Variants in ANKRD30A observed in about 807,000 individuals in gnomAD.
ANKRD30A encodes the protein ankyrin repeat domain 30A, also known as ankyrin repeat domain-containing protein 30A.
In ANKRD30A, 170 loss-of-function variants were observed where a neutral mutation model predicts 166.3. That is an observed-to-expected ratio of 1.02 (90% CI 0.90 to 1.16). The LOEUF (loss-of-function observed/expected upper bound fraction) is 1.16, where lower values mean the gene tolerates loss of function less well. Among genes scored for constraint, ANKRD30A ranks in the 50% most tolerant of loss-of-function variants. The pLI, the probability that ANKRD30A is intolerant of heterozygous loss-of-function variation, is 0.00. For missense variants in ANKRD30A, 1,630 were observed against 1,518.0 expected (o/e 1.07, Z -1.23); for synonymous variants, 564 against 508.9 (o/e 1.11, Z -1.46).
chr10:37,208,929 A>G (rs943843797), intron 31 of ANKRD30A, among the ~76,000 whole-genome samples: 4 of 152,110 alleles, frequency 2.6e-5, no homozygotes, highest in Admixed American at 6.6e-5. Context: ...TTTTTACTCT[A>G]TCTATACATA....
intron 29 of ANKRD30A, among the ~76,000 whole-genome samples, 190 bp from the exon 30 acceptor site, chr10:37,199,537 T>C (rs1841446077): frequency 6.6e-6 from 1 of 152,086 alleles, no homozygotes; most frequent in African/African-American, 2.4e-5. Flanking sequence ...ATAATGTTAA[T>C]TTTCAGACTT....
chr10:37,232,190 A>C (rs1000182594), intron 35 of ANKRD30A, among the ~76,000 whole-genome samples: 1 of 152,034 alleles, frequency 6.6e-6, no homozygotes, highest in Non-Finnish European at 1.5e-5. Context: ...ATAAACATGG[A>C]ACACTTAAAT....
Position 37,147,421 on chromosome 10 carries a change from T to C in ANKRD30A, c.1507T>C (p.Tyr503His). The C allele has an allele frequency of 1.3e-6, 2 of 1,596,036 alleles. No homozygotes were observed. The highest frequency in any genetic ancestry group is 1.7e-6 in the Non-Finnish European group (2 of 1,172,020). Residue 503 changes from tyrosine (Y) to histidine (H), a missense_variant, in exon 9 of 36, where the codon TAT becomes CAT. Around this residue, in one of 4 missense-constraint regions of ANKRD30A, gnomAD observed 904 missense variants for 818.5 expected, o/e 1.10. Coordinates refer to ENST00000361713, the MANE Select transcript of ANKRD30A (RefSeq NM_052997.3). ...TCAAGTGTGTATACCTGAGTCTATA[T>C]ATCAAAAAGTAATGGAGATAAATAG... ...KIQVCIPESI[Y>H]QKVMEINREV...
chr10:37,192,303 C>G (rs190003976), intron 25 of ANKRD30A, among the ~76,000 whole-genome samples: 1 of 152,042 alleles, frequency 6.6e-6, no homozygotes, highest in Non-Finnish European at 1.5e-5. Context: ...CTCGGCCTTC[C>G]AAATTGCTGG....
intron 27 of ANKRD30A, among the ~76,000 whole-genome samples, chr10:37,193,666 A>C (rs1190997669): frequency 1.3e-5 from 2 of 152,008 alleles, no homozygotes; most frequent in Non-Finnish European, 2.9e-5. Flanking sequence ...CACTCTGAGA[A>C]TCTTAAGAAA....
At position 37,154,525 on chromosome 10, in the gene ANKRD30A, G is replaced by A. The variant is rs559028979; in HGVS notation, c.1798+863G>A. Among the ~76,000 whole-genome samples, 18 of 152,244 alleles carry A rather than the reference G, an allele frequency of 1.2e-4. No homozygotes were observed. In the South Asian group the frequency reaches 3.1e-3, roughly 26 times the overall value. ...GTATGGTGTTCTCAATTTTGAGGAT[G>A]TTTTTAGTCAGGGGAGAAGAAGAAA... is the stretch of plus-strand genomic sequence containing the variant. On this transcript the variant is annotated intron_variant, in intron 13 of 35. Coordinates refer to ENST00000361713, the MANE Select transcript of ANKRD30A (RefSeq NM_052997.3).
At chr10:37,232,651 GTT>G (rs1317463999), downstream of ANKRD30A, 30 of 23,474 alleles carry the variant, frequency 1.3e-3, 2 homozygotes, top group South Asian at 0.072. Context: ...TGAAGCATTG[GTT>G]TTATATATAT....
intron 25 of ANKRD30A, among the ~76,000 whole-genome samples, chr10:37,192,359 A>G (rs1432124288): frequency 1.3e-5 from 2 of 151,976 alleles, no homozygotes; most frequent in Non-Finnish European, 2.9e-5. Flanking sequence ...TGGTTTGTTG[A>G]TGGGTATGCT....
rs1466617332 is a variant in ANKRD30A, at chr10:37,140,302, GTC to G, written c.821-1415_821-1414del. Among the ~76,000 whole-genome samples the G allele has an allele frequency of 1.4e-3, 217 of 152,246 alleles. 1 individual carries two copies. The highest frequency in any genetic ancestry group is 5.1e-3 in the African/African-American group (212 of 41,548). On this transcript the variant is annotated intron_variant, in intron 6 of 35. Transcript: ENST00000361713. Reference sequence around the variant, plus strand: ...TCAACTGTGTGACATAGTGACTCGTGTCACTAAAAAAGTAACTATCTTTAGAA... The same window carrying G: ...TCAACTGTGTGACATAGTGACTCGTGACTAAAAAAGTAACTATCTTTAGAA...
rs974100338 is a variant in ANKRD30A at position 37,127,593 on chromosome 10, T to A, written c.221+1585T>A. Among the ~76,000 whole-genome samples, 8 of 152,144 alleles carry A rather than the reference T, an allele frequency of 5.3e-5. No individual in the cohort carries two copies. In the East Asian group the frequency reaches 1.5e-3, roughly 29 times the overall value. On this transcript the variant is annotated intron_variant, in intron 1 of 35. Transcript: ENST00000361713. ...CAAATCAACAAAAAACCCTCTAATT[T>A]AAAATTGGGAAATTTAAATTAGAGA...
At chr10:37,201,054 G>A (rs1841582772) in intron 30 of ANKRD30A, among the ~76,000 whole-genome samples, 181 bp from the exon 31 acceptor site, 2 of 151,966 alleles carry the variant, frequency 1.3e-5, no homozygotes, top group South Asian at 2.1e-4. Context: ...TCAGCTTGAT[G>A]TAGAGAGGGT....
chr10:37,156,363 T>A (rs542034926), intron 13 of ANKRD30A, among the ~76,000 whole-genome samples: 1 of 152,110 alleles, frequency 6.6e-6, no homozygotes, highest in South Asian at 2.1e-4. Flanking sequence ...TGTACCCCTT[T>A]ATAAAAATAA....
downstream of ANKRD30A, among the ~76,000 whole-genome samples, chr10:37,232,902 A>AC (rs1293327614): frequency 2.7e-5 from 4 of 149,654 alleles, no homozygotes; most frequent in South Asian, 2.1e-4. Flanking sequence ...AAAAAAAAAA[A>AC]AAAAACAAAA....
rs1266359247 is a variant in ANKRD30A at position 37,133,984 on chromosome 10, T to A, written c.686T>A (p.Val229Asp). The A allele has an allele frequency of 6.2e-7, 1 of 1,614,116 alleles. No individual in the cohort carries two copies. The highest frequency in any genetic ancestry group is 2.2e-5 in the East Asian group (1 of 44,868). ...GTTGGCATGCTTCTTCAGCAAAATG[T>A]TGACGTCTTTGCTGCAGATATATGT... ...EIVGMLLQQN[V>D]DVFAADICGV... is the part of the protein sequence containing the mutation. Residue 229 changes from valine (V) to aspartate (D), a missense_variant, in exon 5 of 36, where the codon GTT becomes GAT. By Grantham distance (152) the Val-to-Asp change is radical. This residue lies in a region of ANKRD30A where 904 missense variants were observed against 818.5 expected (regional missense o/e 1.10). Coordinates refer to ENST00000361713, the MANE Select transcript of ANKRD30A (RefSeq NM_052997.3).
chr10:37,219,780 T>C lies in ANKRD30A; in HGVS notation c.4068T>C (p.Phe1356=). The C allele has an allele frequency of 6.2e-7, 1 of 1,607,968 alleles. No homozygotes were observed. Among genetic ancestry groups the C allele is most frequent in the Non-Finnish European group, 8.5e-7 (1 of 1,176,332 alleles). The change falls in exon 34 of 36, where the codon TTT becomes TTC. Residue 1356 remains phenylalanine (F), a synonymous_variant. Transcript: ENST00000361713. Reference sequence around the variant, plus strand: ...GCAAGATAACAATTGATATTCATTTTCTTGAGAGGAAAATGCAACATCATC... The same window carrying C: ...GCAAGATAACAATTGATATTCATTTCCTTGAGAGGAAAATGCAACATCATC... ...NKSKITIDIH[F]LERKMQHHLL...
chr10:37,159,118 T>C (rs1194684355), intron 15 of ANKRD30A, among the ~76,000 whole-genome samples: 1 of 152,214 alleles, frequency 6.6e-6, no homozygotes, highest in Non-Finnish European at 1.5e-5. Flanking sequence ...AGAGTGACTA[T>C]AAAGCATTTG....
rs747311182 is a variant in ANKRD30A, at chr10:37,217,883, A to G, written c.3267+5A>G. ...GTAGAAAGTAATTTGAATCAGGTAA[A>G]TCAATCTCTGATAAAAATTTTATAT... is the stretch of plus-strand genomic sequence containing the variant. On this transcript the variant is annotated splice_donor_5th_base_variant and intron_variant, in intron 33 of 35. Coordinates refer to ENST00000361713, the MANE Select transcript of ANKRD30A (RefSeq NM_052997.3). The G allele has an allele frequency of 1.5e-5, 22 of 1,513,062 alleles. No homozygotes were observed. The highest frequency in any genetic ancestry group is 1.9e-5 in the Non-Finnish European group (22 of 1,133,500). 93.7% of individuals were successfully genotyped at this position (1,513,062 alleles called of 1,614,324 possible). A position where few individuals can be genotyped will look rare whatever the true frequency, so the allele number is the denominator to read the frequency against.
At chr10:37,165,656 G>T (rs1839265189) in intron 18 of ANKRD30A, among the ~76,000 whole-genome samples, 1 of 152,002 alleles carries the variant, frequency 6.6e-6, no homozygotes, top group East Asian at 1.9e-4. Context: ...TCAGCAGAAA[G>T]AAAAGCATGA....
the ANKRD30A span, among the ~76,000 whole-genome samples, chr10:37,254,931 C>A: frequency 1.3e-5 from 2 of 152,074 alleles, no homozygotes; most frequent in African/African-American, 4.8e-5. Flanking sequence ...ATCTGCCCAC[C>A]TCAGCCTCCC....
Sources: gnomAD v4.1 joint callset for allele counts (sites outside exome capture counted in the v4.1 genomes callset) on GRCh38, gnomAD v4.1.1 for gene constraint, gnomAD v4.1.1 regional missense constraint, MANE v1.5 for transcripts, NCBI Gene and HGNC (gene_info 2026-07-23, HGNC 2026-07-21) for gene names.